LYZL4: variants seen among roughly 807,000 people sequenced by gnomAD.
The protein encoded by LYZL4 is lysozyme-like protein 4.
Under a neutral mutation model 17.6 loss-of-function variants are expected in LYZL4, and 13 were observed. That is an observed-to-expected ratio of 0.74 (90% CI 0.48 to 1.18). The LOEUF is 1.18. Among genes scored for constraint, LYZL4 ranks in the 50% most tolerant of loss-of-function variants. LYZL4 has a pLI of 0.00. For missense variants in LYZL4, 174 were observed against 188.2 expected, an observed-to-expected ratio of 0.92 and a Z score of 0.44; for synonymous variants, 64 against 67.7, an observed-to-expected ratio of 0.95 and a Z score of 0.27.
chr3:42,373,017 G>A, the LYZL4 span, among the ~76,000 whole-genome samples: 2 of 151,994 alleles, frequency 1.3e-5, no homozygotes, highest in Non-Finnish European at 2.9e-5. Flanking sequence ...GACCAGCCTG[G>A]CCAACATGGT....
chr3:42,382,795 G>T, the LYZL4 span, among the ~76,000 whole-genome samples: 6 of 151,830 alleles, frequency 4.0e-5, no homozygotes, highest in African/African-American at 1.5e-4. Flanking sequence ...ACAAGCAGAA[G>T]AGACAACTGG....
intron 1 of LYZL4, among the ~76,000 whole-genome samples, chr3:42,409,525 C>T (rs961650813): frequency 6.6e-6 from 1 of 152,152 alleles, no homozygotes; most frequent in African/African-American, 2.4e-5. Flanking sequence ...CATACTGAGT[C>T]CTCTCCTCCC....
the LYZL4 span, among the ~76,000 whole-genome samples, chr3:42,383,584 T>A: frequency 6.6e-6 from 1 of 151,942 alleles, no homozygotes; most frequent in East Asian, 1.9e-4. Flanking sequence ...TAGAGAAGAC[T>A]GTAAATAAAA....
downstream of LYZL4, among the ~76,000 whole-genome samples, chr3:42,394,608 G>A (rs532435923): frequency 6.6e-6 from 1 of 152,298 alleles, no homozygotes; most frequent in South Asian, 2.1e-4. Context: ...TGTTGTTATT[G>A]AGATTTCCTA....
In LYZL4 at chr3:42,407,016, G is replaced by T. The variant is rs771593758; in HGVS notation, c.140-18C>A. 2 of 1,614,158 alleles carry T rather than the reference G, an allele frequency of 1.2e-6. No individual in the cohort carries two copies. Among genetic ancestry groups the T allele is most frequent in the Admixed American group, 3.3e-5 (2 of 60,024 alleles). On this transcript the variant is annotated intron_variant, in intron 2 of 4. Coordinates refer to ENST00000287748, the MANE Select transcript of LYZL4 (RefSeq NM_144634.4). ...GCACACCCCTAAGATGGAACAGAAG[G>T]TGTGTGACTCTGAGGACAGCTGGAG...
chr3:42,364,465 C>G, the LYZL4 span, among the ~76,000 whole-genome samples: 1 of 151,476 alleles, frequency 6.6e-6, no homozygotes, highest in South Asian at 2.1e-4. Flanking sequence ...GCTTCAGCCT[C>G]CCAAGTAGCT....
In LYZL4 at chr3:42,406,948, C is replaced by T. The variant is rs771887974; in HGVS notation, c.190G>A (p.Glu64Lys). 36 of 1,614,060 alleles carry T rather than the reference C, an allele frequency of 2.2e-5. No individual in the cohort carries two copies. Among genetic ancestry groups the T allele is most frequent in the African/African-American group, 4.0e-5 (3 of 74,914 alleles). The change falls in exon 3 of 5, where the codon GAG becomes AAG. Residue 64 changes from glutamate to lysine, a missense_variant. Physicochemically the swap from Glu to Lys is moderately conservative, Grantham distance 56 (BLOSUM62 1). Transcript: ENST00000287748. Reference protein sequence around the residue: ...ESKFNPMAIYENTREGYTGFG... With the variant: ...ESKFNPMAIYKNTREGYTGFG... The stretch of plus-strand genomic sequence containing the variant: ...CCAGTGTAGCCCTCACGTGTGTTCT[C>T]GTAGATGGCCATGGGGTTGAACTTG...
In LYZL4 at chr3:42,406,939, G is replaced by T. The variant is rs367979069; in HGVS notation, c.199C>A (p.Arg67Ser). The T allele has an allele frequency of 1.2e-5, 19 of 1,614,098 alleles. No homozygotes were observed. Among genetic ancestry groups the T allele is most frequent in the Admixed American group, 1.7e-5 (1 of 60,002 alleles). ...AGGCCAAAGCCAGTGTAGCCCTCAC[G>T]TGTGTTCTCGTAGATGGCCATGGGG... is the stretch of plus-strand genomic sequence containing the variant. ...FNPMAIYENT[R>S]EGYTGFGLFQ... is the part of the protein sequence containing the mutation. Residue 67 changes from arginine to serine, a missense_variant, in exon 3 of 5, where the codon CGT becomes AGT. Coordinates refer to ENST00000287748, the MANE Select transcript of LYZL4 (RefSeq NM_144634.4).
intron 3 of LYZL4, among the ~76,000 whole-genome samples, chr3:42,406,453 C>CAAAAA (rs565639489): frequency 1.8e-3 from 150 of 83,824 alleles, no homozygotes; most frequent in Non-Finnish European, 2.5e-3. Context: ...GACTCCGTCT[C>CAAAAA]AAAAAAAAAA....
the LYZL4 span, among the ~76,000 whole-genome samples, chr3:42,369,248 A>G: frequency 1.0e-4 from 15 of 150,676 alleles, no homozygotes; most frequent in East Asian, 9.7e-4. Context: ...GAAAAATAAT[A>G]CATTTAAATA....
the LYZL4 span, among the ~76,000 whole-genome samples, chr3:42,385,099 GT>G: frequency 6.6e-6 from 1 of 151,532 alleles, no homozygotes; most frequent in Non-Finnish European, 1.5e-5. Flanking sequence ...TAACTTAAAT[GT>G]TTTTCCTGTG....
chr3:42,385,474 C>G, the LYZL4 span, among the ~76,000 whole-genome samples: 3,596 of 152,264 alleles, frequency 0.024, 156 homozygotes, highest in African/African-American at 0.082. Context: ...GTAGGCTATG[C>G]CATCTAGGTT....
intron 1 of LYZL4, among the ~76,000 whole-genome samples, chr3:42,409,485 AG>A (rs1698824861): frequency 6.6e-6 from 1 of 152,212 alleles, no homozygotes; most frequent in Non-Finnish European, 1.5e-5. Flanking sequence ...TGTCTTCCAC[AG>A]GGCAGGCATC....
rs1483098873 is a variant in LYZL4 at position 42,410,542 on chromosome 3, T to C, written c.-218A>G. On this transcript the variant is annotated 5_prime_UTR_variant, in exon 1 of 5. Coordinates refer to ENST00000287748, the MANE Select transcript of LYZL4 (RefSeq NM_144634.4). Reference sequence around the variant, plus strand: ...CTCCACCTACATTTGGTTCCTTGGGTTTTTCAGATGCTACTTCATTAATCA... The same window carrying C: ...CTCCACCTACATTTGGTTCCTTGGGCTTTTCAGATGCTACTTCATTAATCA... 1 of 152,036 alleles carries C rather than the reference T, an allele frequency of 6.6e-6. No individual in the cohort carries two copies. The highest frequency in any genetic ancestry group is 2.4e-5 in the African/African-American group (1 of 41,374). The allele number at this position is 152,036 out of a possible 1,614,324, so 9.4% of individuals were successfully genotyped here. A position where few individuals can be genotyped will look rare whatever the true frequency, so the allele number is the denominator to read the frequency against.
the LYZL4 span, among the ~76,000 whole-genome samples, chr3:42,382,446 A>G: frequency 1.3e-5 from 2 of 152,164 alleles, no homozygotes; most frequent in African/African-American, 4.8e-5. Flanking sequence ...AATATGTCAT[A>G]TTAATATTTA....
intron 3 of LYZL4, among the ~76,000 whole-genome samples, chr3:42,406,556 A>C (rs1005666782): frequency 6.6e-6 from 1 of 151,060 alleles, no homozygotes; most frequent in East Asian, 1.9e-4. Flanking sequence ...CCCGCCCTTC[A>C]GGCTCTGATG....
At chr3:42,390,832 T>C in the LYZL4 span, among the ~76,000 whole-genome samples, 1 of 152,220 alleles carries the variant, frequency 6.6e-6, no homozygotes, top group Non-Finnish European at 1.5e-5. Flanking sequence ...ACTGATGTTC[T>C]GTACCCTTGG....
At chr3:42,371,228 C>T in the LYZL4 span, among the ~76,000 whole-genome samples, 1 of 152,176 alleles carries the variant, frequency 6.6e-6, no homozygotes. Flanking sequence ...GGTTTATTGC[C>T]TTACTAGAGG....
At chr3:42,392,535 T>C (rs1449899917), downstream of LYZL4, among the ~76,000 whole-genome samples, 1 of 152,238 alleles carries the variant, frequency 6.6e-6, no homozygotes, top group East Asian at 1.9e-4. Context: ...TCTTTAAATA[T>C]GTACAGCTAC....
Sources: allele counts gnomAD v4.1 joint callset (sites outside exome capture counted in the v4.1 genomes callset), GRCh38; gene constraint gnomAD v4.1.1; transcripts MANE v1.5; gene names NCBI Gene and HGNC (gene_info 2026-07-23, HGNC 2026-07-21).